The following TMEM117 variants were observed in gnomAD, a reference collection of about 807,000 sequenced individuals.
The protein encoded by TMEM117 is transmembrane protein 117.
A neutral mutation model predicts 52.4 loss-of-function variants in TMEM117; 27 were observed. The ratio of observed to expected loss-of-function variants is 0.51; its 90% CI spans 0.38 to 0.71. The LOEUF (loss-of-function observed/expected upper bound fraction) is 0.71, where lower values mean the gene tolerates loss of function less well. Among genes scored for constraint, TMEM117 ranks in the 30% least tolerant of loss-of-function variants. The pLI, the probability that TMEM117 is intolerant of heterozygous loss-of-function variation, is 0.00. For synonymous variants in TMEM117, 215 were observed against 206.3 expected, an observed-to-expected ratio of 1.04 and a Z score of -0.36; for missense variants, 556 against 630.5, an observed-to-expected ratio of 0.88 and a Z score of 1.26.
chr12:44,216,044 G>A (rs757900220), intron 5 of TMEM117, among the ~76,000 whole-genome samples: 13 of 104,080 alleles, frequency 1.2e-4, no homozygotes, highest in Non-Finnish European at 2.0e-4. Flanking sequence ...TTCTTGCTCT[G>A]TCACCCAGGC....
intron 4 of TMEM117, among the ~76,000 whole-genome samples, chr12:44,193,356 C>T (rs1172325396): frequency 6.6e-6 from 1 of 152,120 alleles, no homozygotes; most frequent in Non-Finnish European, 1.5e-5. Context: ...TTTTCAAAAC[C>T]ATGGTCTTTT....
At chr12:44,338,610 A>C (rs1520838) in intron 6 of TMEM117, among the ~76,000 whole-genome samples, 3 of 151,838 alleles carry the variant, frequency 2.0e-5, no homozygotes, top group African/African-American at 7.3e-5. Context: ...ATTAAAAAAA[A>C]ATATAAATGA....
At chr12:44,365,617 T>C (rs954298303) in intron 6 of TMEM117, among the ~76,000 whole-genome samples, 3 of 152,066 alleles carry the variant, frequency 2.0e-5, no homozygotes, top group Admixed American at 6.6e-5. Context: ...CTACCTACCA[T>C]ATATATTTGC....
At chr12:44,138,962 A>G (rs904132097) in intron 3 of TMEM117, among the ~76,000 whole-genome samples, 5 of 152,120 alleles carry the variant, frequency 3.3e-5, no homozygotes, top group South Asian at 2.1e-4. Flanking sequence ...TGTAGTGACA[A>G]ATTTTCACTT....
chr12:44,290,238 T>C (rs985535178), intron 5 of TMEM117, among the ~76,000 whole-genome samples: 2 of 151,222 alleles, frequency 1.3e-5, no homozygotes, highest in Non-Finnish European at 2.9e-5. Flanking sequence ...TGTTATCCCG[T>C]TTGCTTATTT....
At chr12:44,164,179 C>G (rs1948934109) in intron 4 of TMEM117, among the ~76,000 whole-genome samples, 2 of 152,054 alleles carry the variant, frequency 1.3e-5, no homozygotes, top group Non-Finnish European at 2.9e-5. Flanking sequence ...AAACATACTT[C>G]TTTTTTTCTT....
chr12:44,002,578 T>G (rs1045776725), intron 3 of TMEM117, among the ~76,000 whole-genome samples: 7 of 152,154 alleles, frequency 4.6e-5, no homozygotes, highest in African/African-American at 1.4e-4. Context: ...GCTGGGAGTT[T>G]GCTTCCCAAA....
chr12:43,890,009 A>G (rs1944073640), intron 2 of TMEM117, among the ~76,000 whole-genome samples: 1 of 152,086 alleles, frequency 6.6e-6, no homozygotes, highest in Non-Finnish European at 1.5e-5. Flanking sequence ...GTGGGATGAG[A>G]GCTTGGGCTT....
intron 4 of TMEM117, among the ~76,000 whole-genome samples, chr12:44,198,202 T>A (rs1205006938): frequency 1.3e-5 from 2 of 152,174 alleles, no homozygotes; most frequent in East Asian, 3.9e-4. Flanking sequence ...TCTGTGTATG[T>A]GATGTGCTGT....
rs936828207 is a variant in TMEM117, at chr12:44,003,817, A to G, written c.410+59475A>G. Among the ~76,000 whole-genome samples, 38 of 152,162 alleles carry G rather than the reference A, an allele frequency of 2.5e-4. 1 individual carries two copies. The highest frequency in any genetic ancestry group is 8.7e-4 in the African/African-American group (36 of 41,430). ...TTCTTTCCTTACTGCCCATGTCTCC[A>G]TGGACATATGATTTTTCTCTTTTTC... On this transcript the variant is annotated intron_variant, in intron 3 of 7. Coordinates refer to ENST00000266534, the MANE Select transcript of TMEM117 (RefSeq NM_032256.3).
chr12:44,385,343 G>T (rs1210563464), intron 7 of TMEM117, among the ~76,000 whole-genome samples: 2 of 152,188 alleles, frequency 1.3e-5, no homozygotes, highest in Non-Finnish European at 2.9e-5. Flanking sequence ...GGGTGTGCAA[G>T]TTTAGTGGTC....
chr12:43,874,893 A>T (rs908720313), intron 2 of TMEM117, among the ~76,000 whole-genome samples: 1 of 152,206 alleles, frequency 6.6e-6, no homozygotes, highest in South Asian at 2.1e-4. Flanking sequence ...ATCAAATTAG[A>T]TCCGCAGGGA....
intron 6 of TMEM117, among the ~76,000 whole-genome samples, chr12:44,336,420 T>C (rs1346916888): frequency 6.6e-6 from 1 of 152,060 alleles, no homozygotes; most frequent in African/African-American, 2.4e-5. Flanking sequence ...CATCTATATA[T>C]TTTCTATTTG....
chr12:44,189,368 T>C (rs1949321988), intron 4 of TMEM117, among the ~76,000 whole-genome samples: 1 of 152,170 alleles, frequency 6.6e-6, no homozygotes, highest in Non-Finnish European at 1.5e-5. Flanking sequence ...AAGGATTAGC[T>C]ATCACAGTGA....
intron 3 of TMEM117, among the ~76,000 whole-genome samples, chr12:44,055,607 T>C (rs1947041801): frequency 6.6e-6 from 1 of 152,154 alleles, no homozygotes; most frequent in African/African-American, 2.4e-5. Context: ...GTGCCGCTCT[T>C]TTTGTGTCTC....
At chr12:44,259,945 G>T (rs548945878) in intron 5 of TMEM117, among the ~76,000 whole-genome samples, 2 of 152,004 alleles carry the variant, frequency 1.3e-5, no homozygotes, top group Non-Finnish European at 2.9e-5. Context: ...TTTAAAAACC[G>T]CCATGAAAAA....
At chr12:44,191,584 A>G (rs1949355307) in intron 4 of TMEM117, among the ~76,000 whole-genome samples, 1 of 152,200 alleles carries the variant, frequency 6.6e-6, no homozygotes, top group Non-Finnish European at 1.5e-5. Context: ...TGATTTGAAT[A>G]TATTTTACTG....
At chr12:44,205,753 A>C (rs77954156) in intron 4 of TMEM117, among the ~76,000 whole-genome samples, 2,892 of 152,284 alleles carry the variant, frequency 0.019, 75 homozygotes, top group East Asian at 0.057. Flanking sequence ...TAAAAAGAAA[A>C]AAAATGACAG....
At chr12:44,199,809 A>G (rs763209886) in intron 4 of TMEM117, among the ~76,000 whole-genome samples, 7 of 152,138 alleles carry the variant, frequency 4.6e-5, no homozygotes, top group Non-Finnish European at 1.0e-4. Context: ...AAATCTACCT[A>G]CTAAATGCTG....
Sources: allele counts gnomAD v4.1 joint callset (sites outside exome capture counted in the v4.1 genomes callset), GRCh38; gene constraint gnomAD v4.1.1; transcripts MANE v1.5; gene names NCBI Gene and HGNC (gene_info 2026-07-23, HGNC 2026-07-21).